The following FAP variants were observed in gnomAD, a reference collection of about 807,000 sequenced individuals.
FAP encodes the protein prolyl endopeptidase FAP.
A neutral mutation model predicts 126.5 loss-of-function variants in FAP; 110 were observed. The observed-to-expected ratio is 0.87, with a 90% CI of 0.74 to 1.02. The LOEUF (loss-of-function observed/expected upper bound fraction) is 1.02. Among genes scored for constraint, FAP ranks in the 50% least tolerant of loss-of-function variants. The probability of loss-of-function intolerance (pLI) is 0.00; values close to 1 mark genes in which losing one functional copy is unlikely to be tolerated. For synonymous variants in FAP, 334 were observed against 297.3 expected (o/e 1.12, Z -1.27); for missense variants, 919 against 909.2 (o/e 1.01, Z -0.14).
chr2:162,229,806 T>A (rs1300370901), intron 2 of FAP, among the ~76,000 whole-genome samples: 1 of 152,068 alleles, frequency 6.6e-6, no homozygotes, highest in Non-Finnish European at 1.5e-5. Flanking sequence ...TTTATATGAG[T>A]GCATAGTAGC....
In FAP at chr2:162,224,517, G is replaced by A. The variant is rs559373291; in HGVS notation, c.309C>T (p.Tyr103=). The change falls in exon 5 of 26, where the codon TAC becomes TAT. Residue 103 remains tyrosine (Y), a synonymous_variant. Transcript: ENST00000188790. ...CAAATTGCCGATCAGGTGATAAGCC[G>A]TAATTTGAAGCATTCACACTTTTCT... ...RTMKSVNASN[Y]GLSPDRQFVY... is the part of the protein sequence containing the mutation. 4.9e-5 allele frequency: 79 copies of A among 1,597,094 alleles called. No homozygotes were observed. Among genetic ancestry groups the A allele is most frequent in the Admixed American group, 3.0e-4 (17 of 55,944 alleles).
intron 21 of FAP, among the ~76,000 whole-genome samples, chr2:162,183,177 G>C (rs1461042992): frequency 6.6e-6 from 1 of 151,966 alleles, no homozygotes; most frequent in Admixed American, 6.6e-5. Context: ...AAAGACTTAA[G>C]TAAAAATATG....
chr2:162,205,543 G>A (rs983541849), intron 12 of FAP, among the ~76,000 whole-genome samples: 7 of 150,380 alleles, frequency 4.7e-5, no homozygotes, highest in African/African-American at 9.8e-5. Context: ...ATGGAGTTTC[G>A]TTCTTGTTGC....
intron 17 of FAP, among the ~76,000 whole-genome samples, chr2:162,192,403 AC>A (rs1193189458): frequency 1.3e-5 from 2 of 151,710 alleles, no homozygotes; most frequent in Non-Finnish European, 2.9e-5. Context: ...TTTCCACAAT[AC>A]CATACTCTCA....
chr2:162,192,906 A>G (rs191154751), intron 17 of FAP, among the ~76,000 whole-genome samples: 133 of 152,234 alleles, frequency 8.7e-4, no homozygotes, highest in African/African-American at 3.0e-3. Context: ...AACCCAGATG[A>G]GCTGCTCTTC....
chr2:162,191,968 A>T (rs1278706487), intron 17 of FAP, among the ~76,000 whole-genome samples: 2 of 152,138 alleles, frequency 1.3e-5, no homozygotes, highest in African/African-American at 4.8e-5. Context: ...ACAAGAGATT[A>T]ATCCATTTAC....
intron 25 of FAP, 167 bp downstream of exon 25, chr2:162,172,644 A>C: frequency 1.7e-6 from 1 of 573,450 alleles, no homozygotes; most frequent in Non-Finnish European, 3.1e-6. Flanking sequence ...CGGGTCCTTC[A>C]GTAGTTAAAG....
chr2:162,234,746 C>T (rs1447338232), intron 2 of FAP, among the ~76,000 whole-genome samples: 1 of 152,192 alleles, frequency 6.6e-6, no homozygotes, highest in African/African-American at 2.4e-5. Flanking sequence ...GGCCTCGGCA[C>T]CCATTCTGGC....
At chr2:162,216,834 G>A (rs1689176787) in intron 9 of FAP, among the ~76,000 whole-genome samples, 1 of 152,156 alleles carries the variant, frequency 6.6e-6, no homozygotes, top group African/African-American at 2.4e-5. Flanking sequence ...CTTAGTTTTT[G>A]GGATGGTCTC....
intron 11 of FAP, among the ~76,000 whole-genome samples, chr2:162,211,758 CT>C (rs1464351788): frequency 5.9e-5 from 9 of 152,144 alleles, no homozygotes; most frequent in Admixed American, 5.9e-4. Context: ...GTTTCTTCCC[CT>C]AACTATAAAT....
Position 162,221,825 on chromosome 2 carries a change from T to C in FAP, c.413+1783A>G, listed in dbSNP as rs1361888535. ...TTGAAACCAGTAGTTTTGTTTTCTC[T>C]ATGCTAGATTTTTATAGAGTCTTCA... On this transcript the variant is annotated intron_variant, in intron 6 of 25. Coordinates refer to ENST00000188790, the MANE Select transcript of FAP (RefSeq NM_004460.5). 6.9e-6 allele frequency: 3 copies of C among 437,888 alleles called. No homozygotes were observed. In the Admixed American group the frequency reaches 7.9e-5, roughly 12 times the overall value. 27.1% of individuals were successfully genotyped at this position (437,888 alleles called of 1,614,324 possible).
At chr2:162,227,159 G>T (rs1389823757) in intron 2 of FAP, among the ~76,000 whole-genome samples, 2 of 152,092 alleles carry the variant, frequency 1.3e-5, no homozygotes, top group Non-Finnish European at 2.9e-5. Context: ...CTTACCTTCA[G>T]AAATCTCAAG....
At chr2:162,179,786 CTATCTATA>C (rs1397892025) in intron 21 of FAP, among the ~76,000 whole-genome samples, 13 of 63,536 alleles carry the variant, frequency 2.0e-4, no homozygotes, top group South Asian at 5.4e-4. Flanking sequence ...ATCTATCTAT[CTATCTATA>C]TATATATATA....
chr2:162,200,783 C>T (rs1688465714), intron 14 of FAP, among the ~76,000 whole-genome samples, 164 bp from the exon 15 acceptor site: 1 of 152,228 alleles, frequency 6.6e-6, no homozygotes, highest in African/African-American at 2.4e-5. Context: ...GAACTTTGCA[C>T]ATTTATCCTG....
chr2:162,175,006 T>A lies in FAP; in HGVS notation c.1870-40A>T, dbSNP rs771554557. ...TTATGAGTCAGACTCAGATTTACTT[T>A]CATAAGCTTTCCTCCATATGTTTAT... On this transcript the variant is annotated intron_variant, in intron 21 of 25. Coordinates refer to ENST00000188790, the MANE Select transcript of FAP (RefSeq NM_004460.5). 3 of 1,408,352 alleles carry A rather than the reference T, an allele frequency of 2.1e-6. No homozygotes were observed. In the African/African-American group the frequency reaches 4.2e-5, roughly 20 times the overall value. The allele number at this position is 1,408,352 out of a possible 1,614,324, so 87.2% of individuals were successfully genotyped here.
At chr2:162,219,825 TA>T (rs1689310000) in intron 7 of FAP, 27 bp downstream of exon 7, 8 of 1,504,586 alleles carry the variant, frequency 5.3e-6, no homozygotes, top group Non-Finnish European at 7.4e-6. Context: ...TTTACATGAT[TA>T]AACACTTCAA....
chr2:162,185,451 A>G (rs565555091), intron 20 of FAP, among the ~76,000 whole-genome samples: 2 of 152,134 alleles, frequency 1.3e-5, no homozygotes, highest in Non-Finnish European at 2.9e-5. Context: ...TGCCCTTATA[A>G]CCACCAAAGT....
At position 162,200,619 on chromosome 2, in the gene FAP, C is replaced by T. The variant is rs150109944; in HGVS notation, c.1224G>A (p.Leu408=). 6.4e-5 allele frequency: 88 copies of T among 1,376,268 alleles called. No homozygotes were observed. Among genetic ancestry groups the T allele is most frequent in the Non-Finnish European group, 8.1e-5 (80 of 993,222 alleles). The allele number at this position is 1,376,268 out of a possible 1,614,324, so 85.3% of individuals were successfully genotyped here. Reference sequence around the variant, plus strand: ...CTTCAAATTCATTGCTAGAATAAAACCTGAAAATATATTCAGAAATTATTA... The same window carrying T: ...CTTCAAATTCATTGCTAGAATAAAATCTGAAAATATATTCAGAAATTATTA... The part of the protein sequence containing the change: ...INIFRVTQDS[L]FYSSNEFEEY... The change falls in exon 15 of 26, where the codon CTG becomes CTA. Residue 408 remains leucine, a splice_region_variant and synonymous_variant. Coordinates refer to ENST00000188790, the MANE Select transcript of FAP (RefSeq NM_004460.5).
At chr2:162,185,806 C>G (rs1272071283) in intron 20 of FAP, among the ~76,000 whole-genome samples, 1 of 152,034 alleles carries the variant, frequency 6.6e-6, no homozygotes, top group South Asian at 2.1e-4. Context: ...AATCTCAATT[C>G]CCCAGGTCAG....
Sources: gnomAD v4.1 joint callset for allele counts (sites outside exome capture counted in the v4.1 genomes callset) on GRCh38, gnomAD v4.1.1 for gene constraint, MANE v1.5 for transcripts, NCBI Gene and HGNC (gene_info 2026-07-23, HGNC 2026-07-21) for gene names.